MOSMO: variants seen among roughly 807,000 people sequenced by gnomAD.
The protein encoded by MOSMO is modulator of smoothened, also known as modulator of smoothened protein.
In MOSMO, 5 loss-of-function variants were observed where a neutral mutation model predicts 18.4. The observed-to-expected ratio is 0.27, with a 90% CI of 0.14 to 0.57. The LOEUF (loss-of-function observed/expected upper bound fraction) is 0.57. MOSMO is among the 20% of genes least tolerant of loss of function. MOSMO has a pLI of 0.92. For missense variants in MOSMO, 138 were observed against 211.8 expected (o/e 0.65, Z 2.16); for synonymous variants, 82 against 82.3 (o/e 1.00, Z 0.02).
At chr16:22,048,706 A>G (rs898244489) in intron 1 of MOSMO, among the ~76,000 whole-genome samples, 2 of 151,820 alleles carry the variant, frequency 1.3e-5, no homozygotes, top group Non-Finnish European at 2.9e-5. Flanking sequence ...TTTATTTTTC[A>G]TTATTATTTA....
At chr16:22,070,167 T>C (rs1173735558) in intron 1 of MOSMO, among the ~76,000 whole-genome samples, 1 of 151,950 alleles carries the variant, frequency 6.6e-6, no homozygotes, top group Non-Finnish European at 1.5e-5. Flanking sequence ...TAAAGGAGAG[T>C]GCAGGAGTCT....
At chr16:22,008,495 G>A (rs1899440191) in intron 1 of MOSMO, 88 bp downstream of exon 1, 5 of 936,804 alleles carry the variant, frequency 5.3e-6, no homozygotes, top group South Asian at 3.0e-5. Flanking sequence ...AGGACGGGGT[G>A]GAGGGTCCCG....
intron 1 of MOSMO, among the ~76,000 whole-genome samples, chr16:22,068,660 G>A (rs1900791673): frequency 6.6e-6 from 1 of 152,108 alleles, no homozygotes; most frequent in Non-Finnish European, 1.5e-5. Flanking sequence ...CTTTCACAAA[G>A]CATTGTGTTT....
At chr16:22,022,045 G>A (rs1567500600) in intron 1 of MOSMO, among the ~76,000 whole-genome samples, 1 of 152,010 alleles carries the variant, frequency 6.6e-6, no homozygotes, top group Non-Finnish European at 1.5e-5. Context: ...GCAACTAAAT[G>A]GATTAATCTC....
intron 1 of MOSMO, among the ~76,000 whole-genome samples, chr16:22,036,024 A>G (rs1900101292): frequency 6.6e-6 from 1 of 152,204 alleles, no homozygotes; most frequent in Non-Finnish European, 1.5e-5. Context: ...AATGTTTTAA[A>G]GAATTTGTTT....
chr16:22,040,046 T>C (rs1900181327), intron 1 of MOSMO, among the ~76,000 whole-genome samples: 3 of 152,226 alleles, frequency 2.0e-5, no homozygotes. Flanking sequence ...GAATGAAATA[T>C]AGTAGGAACT....
chr16:22,069,086 C>T lies in MOSMO; in HGVS notation c.107-6401C>T, dbSNP rs193272007. Among the ~76,000 whole-genome samples the T allele has an allele frequency of 1.2e-4, 18 of 152,228 alleles. No individual in the cohort carries two copies. The East Asian group carries it at 2.9e-3, about 25-fold the overall frequency. On this transcript the variant is annotated intron_variant, in intron 1 of 2. Transcript: ENST00000542527. ...TCTCTTCAGGTTCAGTAAGGAGATA[C>T]AGTGCTTTGATAGGAGCCCAGAGGA...
At chr16:22,071,596 C>T (rs1319329618) in intron 1 of MOSMO, among the ~76,000 whole-genome samples, 1 of 152,338 alleles carries the variant, frequency 6.6e-6, no homozygotes, top group East Asian at 1.9e-4. Context: ...GATGCCCCCA[C>T]TTAATGGAGT....
intron 1 of MOSMO, among the ~76,000 whole-genome samples, chr16:22,049,664 T>C (rs1045645379): frequency 1.3e-5 from 2 of 152,216 alleles, no homozygotes; most frequent in Non-Finnish European, 2.9e-5. Flanking sequence ...ATAGTCTGAC[T>C]TTGTATGTAT....
At chr16:22,015,011 C>T (rs1205898521) in intron 1 of MOSMO, among the ~76,000 whole-genome samples, 1 of 152,004 alleles carries the variant, frequency 6.6e-6, no homozygotes, top group African/African-American at 2.4e-5. Context: ...GTATACAAAT[C>T]AGTGGCTTTT....
At chr16:22,061,749 A>G (rs995332104) in intron 1 of MOSMO, among the ~76,000 whole-genome samples, 2 of 152,156 alleles carry the variant, frequency 1.3e-5, no homozygotes, top group Non-Finnish European at 2.9e-5. Context: ...TCTCTAAAGT[A>G]TGGTTTTTCT....
chr16:22,044,968 G>A (rs1436974877), intron 1 of MOSMO, among the ~76,000 whole-genome samples: 2 of 151,552 alleles, frequency 1.3e-5, no homozygotes, highest in Admixed American at 6.6e-5. Context: ...TTGAGTTCAT[G>A]TGTTCAAGAC....
intron 2 of MOSMO, among the ~76,000 whole-genome samples, chr16:22,079,932 C>T (rs984102824): frequency 1.3e-5 from 2 of 152,092 alleles, no homozygotes; most frequent in African/African-American, 4.8e-5. Flanking sequence ...TACAGGCTTG[C>T]ACCTCTACGC....
intron 1 of MOSMO, among the ~76,000 whole-genome samples, chr16:22,057,041 A>G (rs1900551812): frequency 6.6e-6 from 1 of 152,240 alleles, no homozygotes; most frequent in South Asian, 2.1e-4. Context: ...GACCTAGGAA[A>G]GTCACTGTTC....
At chr16:22,018,464 A>G (rs1403723937) in intron 1 of MOSMO, among the ~76,000 whole-genome samples, 2 of 152,202 alleles carry the variant, frequency 1.3e-5, no homozygotes, top group African/African-American at 4.8e-5. Flanking sequence ...AAGAGATATG[A>G]CCATTTGATT....
At chr16:22,055,576 G>A (rs534725489) in intron 1 of MOSMO, among the ~76,000 whole-genome samples, 25 of 152,188 alleles carry the variant, frequency 1.6e-4, no homozygotes, top group South Asian at 4.2e-4. Context: ...CAAATCCACC[G>A]GAGGCAAATA....
chr16:22,028,998 A>G (rs1391539209), intron 1 of MOSMO, among the ~76,000 whole-genome samples: 1 of 152,046 alleles, frequency 6.6e-6, no homozygotes, highest in Non-Finnish European at 1.5e-5. Flanking sequence ...CAGCCTCCTG[A>G]GTAGCTGGGA....
At chr16:22,059,833 A>G (rs1238809601) in intron 1 of MOSMO, among the ~76,000 whole-genome samples, 1 of 152,158 alleles carries the variant, frequency 6.6e-6, no homozygotes, top group Non-Finnish European at 1.5e-5. Context: ...AACCATATCA[A>G]TGGGGTTTTC....
At chr16:22,089,479 C>T (rs1411454969), downstream of MOSMO, among the ~76,000 whole-genome samples, 1 of 152,202 alleles carries the variant, frequency 6.6e-6, no homozygotes, top group African/African-American at 2.4e-5. Context: ...CCCAAACCAG[C>T]TGCTCCTCAC....
Sources: gnomAD v4.1 joint callset for allele counts (sites outside exome capture counted in the v4.1 genomes callset) on GRCh38, gnomAD v4.1.1 for gene constraint, MANE v1.5 for transcripts, NCBI Gene and HGNC (gene_info 2026-07-23, HGNC 2026-07-21) for gene names.